The following SHANK2 variants were observed in gnomAD, a reference collection of about 807,000 sequenced individuals.
The protein encoded by SHANK2 is SH3 and multiple ankyrin repeat domains protein 2.
In SHANK2, 43 loss-of-function variants were observed where a neutral mutation model predicts 133.7. The observed-to-expected ratio is 0.32, with a 90% CI of 0.25 to 0.41. SHANK2 has a LOEUF of 0.41. Among genes scored for constraint, SHANK2 ranks in the 10% least tolerant of loss-of-function variants. SHANK2 has a pLI of 1.00. For missense variants in SHANK2, 1,994 were observed against 2,235.8 expected, an observed-to-expected ratio of 0.89 and a Z score of 2.18; for synonymous variants, 1,017 against 952.8, an observed-to-expected ratio of 1.07 and a Z score of -1.24.
At position 71,094,582 on chromosome 11, in the gene SHANK2, G is replaced by A. The variant is rs144791777; in HGVS notation, c.699C>T (p.Thr233=). The part of the protein sequence containing the change: ...HLDFRAKDGM[T]ALHKAARARN... ...TCGCTCGGGCAGCTTTGTGTAGGGC[G>A]GTCATCCCATCTTTGGCACGGAAGT... The change falls in exon 7 of 26, where the codon ACC becomes ACT. Residue 233 remains threonine (T), a synonymous_variant. Coordinates refer to ENST00000601538, the MANE Select transcript of SHANK2 (RefSeq NM_012309.5). 2.1e-5 allele frequency: 33 copies of A among 1,551,550 alleles called. No homozygotes were observed. In the East Asian group the frequency reaches 3.7e-4, roughly 17 times the overall value.
chr11:70,561,362 G>A (rs7123381), intron 17 of SHANK2, among the ~76,000 whole-genome samples: 89,156 of 151,666 alleles, frequency 0.59, 26,436 homozygotes, highest in South Asian at 0.72. Flanking sequence ...CATGTTGCCC[G>A]GGCTGGTCTC....
chr11:71,099,099 G>A (rs1555096173), intron 6 of SHANK2, among the ~76,000 whole-genome samples: 1 of 152,058 alleles, frequency 6.6e-6, no homozygotes, highest in African/African-American at 2.4e-5. Context: ...CCAATAAGGG[G>A]CACCCTACAA....
chr11:71,210,113 A>G (rs1378895489), intron 2 of SHANK2, among the ~76,000 whole-genome samples: 2 of 149,800 alleles, frequency 1.3e-5, no homozygotes, highest in Non-Finnish European at 3.0e-5. Flanking sequence ...CTCAGTCCCA[A>G]GGGGTCTCCA....
chr11:70,552,537 A>C (rs2059782919), intron 17 of SHANK2, among the ~76,000 whole-genome samples: 1 of 152,174 alleles, frequency 6.6e-6, no homozygotes. Flanking sequence ...CCAGGCTCTA[A>C]TCTCCAGGCA....
intron 6 of SHANK2, among the ~76,000 whole-genome samples, chr11:71,102,372 C>G (rs919667564): frequency 2.6e-5 from 4 of 152,036 alleles, no homozygotes; most frequent in African/African-American, 9.7e-5. Context: ...ATTGACAGGT[C>G]GTTCCACTGG....
chr11:70,615,872 G>C (rs2060734245), intron 17 of SHANK2, among the ~76,000 whole-genome samples: 1 of 152,210 alleles, frequency 6.6e-6, no homozygotes, highest in East Asian at 1.9e-4. Flanking sequence ...CTTGCTCTCT[G>C]TGGCTCTTAC....
At chr11:70,806,448 C>T (rs1948161376) in intron 13 of SHANK2, among the ~76,000 whole-genome samples, 1 of 152,272 alleles carries the variant, frequency 6.6e-6, no homozygotes, top group Admixed American at 6.5e-5. Context: ...GAAACCATCA[C>T]TGGCTCCCCA....
intron 3 of SHANK2, among the ~76,000 whole-genome samples, chr11:71,135,358 G>A (rs1389848815): frequency 1.3e-5 from 2 of 152,164 alleles, no homozygotes; most frequent in Non-Finnish European, 2.9e-5. Flanking sequence ...CAGGCGCTTA[G>A]CTGTGAAATC....
Position 70,842,667 on chromosome 11 carries a change from G to A in SHANK2, c.1175-21985C>T, listed in dbSNP as rs1229114291. ...CCAGGAGTGGGTCCTGCTCCCTGCT[G>A]TGCCACCTGGGATTCTCGTGCAGCT... On this transcript the variant is annotated intron_variant, in intron 11 of 25. Coordinates refer to ENST00000601538, the MANE Select transcript of SHANK2 (RefSeq NM_012309.5). 2.0e-5 allele frequency among the ~76,000 whole-genome samples: 3 copies of A among 152,218 alleles called. No homozygotes were observed. In the South Asian group the frequency reaches 6.2e-4, roughly 32 times the overall value.
intron 14 of SHANK2, among the ~76,000 whole-genome samples, chr11:70,753,405 C>T (rs782325480): frequency 2.0e-5 from 3 of 151,982 alleles, no homozygotes; most frequent in African/African-American, 2.4e-5. Flanking sequence ...AGAATATTCG[C>T]CAAGATAGAC....
intron 14 of SHANK2, among the ~76,000 whole-genome samples, chr11:70,787,737 A>T (rs1487812679): frequency 6.6e-6 from 1 of 152,068 alleles, no homozygotes; most frequent in African/African-American, 2.4e-5. Flanking sequence ...CTGGTCCCTG[A>T]CTCCAAGGCC....
chr11:71,238,901 G>A (rs1954855743), intron 1 of SHANK2, among the ~76,000 whole-genome samples: 1 of 152,248 alleles, frequency 6.6e-6, no homozygotes, highest in African/African-American at 2.4e-5. Context: ...ATGGGAAGAT[G>A]TAGGGGTGGG....
chr11:70,599,965 AAGAAAG>A (rs782485544), intron 17 of SHANK2, among the ~76,000 whole-genome samples: 6,647 of 125,458 alleles, frequency 0.053, 327 homozygotes, highest in Middle Eastern at 0.075. Flanking sequence ...GAAAGAAAGA[AAGAAAG>A]AAAATGTATC....
intron 17 of SHANK2, among the ~76,000 whole-genome samples, chr11:70,508,061 C>T (rs373680040): frequency 2.6e-5 from 4 of 152,340 alleles, no homozygotes; most frequent in African/African-American, 9.6e-5. Flanking sequence ...CAGTGTGCCA[C>T]AGGAACCTCT....
In SHANK2 at chr11:70,486,270, T is replaced by A; in HGVS notation, c.4023A>T (p.Pro1341=). The change falls in exon 25 of 26, where the codon CCA becomes CCT. Residue 1341 remains proline (P), a synonymous_variant. Coordinates refer to ENST00000601538, the MANE Select transcript of SHANK2 (RefSeq NM_012309.5). This position sits in a 1 kb window ranked among gnomAD's most constrained non-coding sequence, Gnocchi z 8.0. The part of the protein sequence containing the change: ...EDEKAEVEMK[P]DSSPSEVPEG... ...CTGGCACCTCGGACGGCGAGCTGTC[T>A]GGCTTCATCTCCACCTCTGCCTTCT... 6.2e-7 allele frequency: 1 copy of A among 1,614,054 alleles called. No individual in the cohort carries two copies. Among genetic ancestry groups the A allele is most frequent in the Non-Finnish European group, 8.5e-7 (1 of 1,180,040 alleles).
chr11:70,808,088 T>C (rs1948201545), intron 12 of SHANK2, among the ~76,000 whole-genome samples: 1 of 152,180 alleles, frequency 6.6e-6, no homozygotes, highest in East Asian at 1.9e-4. Context: ...TGGATGGTGG[T>C]GATGGCTGCA....
chr11:71,245,588 C>T (rs895046976), intron 1 of SHANK2, among the ~76,000 whole-genome samples: 2 of 152,270 alleles, frequency 1.3e-5, no homozygotes, highest in South Asian at 4.1e-4. Context: ...ATCTGGAGGC[C>T]GGGGAAGCGA....
chr11:70,782,090 C>G (rs1042436369), intron 14 of SHANK2, among the ~76,000 whole-genome samples: 3 of 152,170 alleles, frequency 2.0e-5, no homozygotes, highest in African/African-American at 7.2e-5. Context: ...TATTTAGAGA[C>G]AGTCCGCTCT....
At chr11:70,716,897 C>G (rs1005809208) in intron 14 of SHANK2, among the ~76,000 whole-genome samples, 11 of 50,032 alleles carry the variant, frequency 2.2e-4, no homozygotes, top group Admixed American at 1.4e-3. Context: ...GTCCCGGAGC[C>G]CCCCCCCCGC....
Sources: allele counts gnomAD v4.1 joint callset (sites outside exome capture counted in the v4.1 genomes callset), GRCh38; gene constraint gnomAD v4.1.1; non-coding constraint Gnocchi (gnomAD v3.1); transcripts MANE v1.5; gene names NCBI Gene and HGNC (gene_info 2026-07-23, HGNC 2026-07-21).